The following AZIN2 variants were observed in gnomAD, a reference collection of about 807,000 sequenced individuals.
AZIN2 encodes the protein antizyme inhibitor 2.
A neutral mutation model predicts 47.8 loss-of-function variants in AZIN2; 28 were observed. That is an observed-to-expected ratio of 0.59 (90% CI 0.43 to 0.80). The LOEUF (loss-of-function observed/expected upper bound fraction) is 0.80, where lower values mean the gene tolerates loss of function less well. Ranked by LOEUF, AZIN2 falls within the 30% of genes least tolerant of loss-of-function variation. The pLI, the probability that AZIN2 is intolerant of heterozygous loss-of-function variation, is 0.00. For synonymous variants in AZIN2, 221 were observed against 239.4 expected (o/e 0.92, Z 0.71); for missense variants, 535 against 582.5 (o/e 0.92, Z 0.84).
chr1:33,158,583 C>T, the AZIN2 span, among the ~76,000 whole-genome samples: 4 of 152,242 alleles, frequency 2.6e-5, no homozygotes, highest in Admixed American at 2.6e-4. Context: ...ATGCTAGCAT[C>T]AGCCTTCTAG....
the AZIN2 span, chr1:33,145,471 A>G: frequency 6.1e-6 from 1 of 165,146 alleles, no homozygotes; most frequent in Admixed American, 5.8e-5. Context: ...TTAAATAAAA[A>G]TACTGCTGGG....
At chr1:33,162,754 A>T in the AZIN2 span, 1 of 152,760 alleles carries the variant, frequency 6.5e-6, no homozygotes, top group Non-Finnish European at 1.5e-5. Context: ...CCACCCCTGG[A>T]GCCCCAAGTA....
chr1:33,105,979 T>C (rs1212309343), intron 10 of AZIN2, among the ~76,000 whole-genome samples: 1 of 152,192 alleles, frequency 6.6e-6, no homozygotes, highest in Non-Finnish European at 1.5e-5. Flanking sequence ...CTTTCAAAAG[T>C]GTGAATCTGT....
intron 7 of AZIN2, 133 bp downstream of exon 7, chr1:33,093,549 T>A: frequency 8.2e-7 from 1 of 1,221,840 alleles, no homozygotes; most frequent in Non-Finnish European, 1.1e-6. Flanking sequence ...TTCTTCCATT[T>A]GAGAATTTCC....
At position 33,092,202 on chromosome 1, in the gene AZIN2, A is replaced by G; in HGVS notation, c.432A>G (p.Val144=). The change falls in exon 6 of 12, where the codon GTA becomes GTG. Residue 144 remains valine (V), a synonymous_variant. Coordinates refer to ENST00000294517, the MANE Select transcript of AZIN2 (RefSeq NM_052998.4). ...ATGAGATGGAGCTGGCAAAGGTGGT[A>G]AAGAGCCACCCCAGTGCCAAGTAAG... The part of the protein sequence containing the change: ...FDNEMELAKV[V]KSHPSAKMVL... 1 of 1,614,144 alleles carries G rather than the reference A, an allele frequency of 6.2e-7. No individual in the cohort carries two copies. The highest frequency in any genetic ancestry group is 2.2e-5 in the East Asian group (1 of 44,890).
intron 10 of AZIN2, among the ~76,000 whole-genome samples, chr1:33,105,734 A>G (rs901592713): frequency 1.3e-5 from 2 of 152,208 alleles, no homozygotes; most frequent in African/African-American, 4.8e-5. Context: ...CACAAAGCCA[A>G]ACCATATCAG....
chr1:33,109,444 G>A (rs527260980), intron 10 of AZIN2, among the ~76,000 whole-genome samples: 1 of 151,468 alleles, frequency 6.6e-6, no homozygotes, highest in South Asian at 2.1e-4. Context: ...TTCTCCTGCC[G>A]CAGCCTCTTG....
chr1:33,084,194 C>G (rs548752509), intron 5 of AZIN2, 67 bp downstream of exon 5: 1 of 1,581,176 alleles, frequency 6.3e-7, no homozygotes, highest in African/African-American at 1.3e-5. Context: ...CCAGGCTAGT[C>G]CAGGTGGGCT....
the AZIN2 span, chr1:33,147,772 TGTGGACCCACCATGCA>T: frequency 5.7e-6 from 9 of 1,577,236 alleles, no homozygotes; most frequent in African/African-American, 9.4e-5. The surrounding 1 kb of genome is among the most constrained non-coding windows in gnomAD (Gnocchi z 8.1). Context: ...GGGAGAAGGC[TGTGGACCCACCATGCA>T]GTGCCTTCCT....
chr1:33,116,916 T>C (rs1162427179), intron 10 of AZIN2, among the ~76,000 whole-genome samples: 2 of 152,110 alleles, frequency 1.3e-5, no homozygotes, highest in Non-Finnish European at 2.9e-5. Flanking sequence ...AGTGCAGTGA[T>C]GGGAGAAGAG....
the AZIN2 span, among the ~76,000 whole-genome samples, chr1:33,151,297 G>A: frequency 6.6e-6 from 1 of 152,078 alleles, no homozygotes; most frequent in African/African-American, 2.4e-5. Flanking sequence ...CCGGCCTAGG[G>A]GCAGGGCCTG....
In AZIN2 at chr1:33,102,689, G is replaced by A. The variant is rs577486475; in HGVS notation, c.1029+4510G>A. 2.0e-3 allele frequency among the ~76,000 whole-genome samples: 297 copies of A among 152,192 alleles called. 1 individual carries two copies. The highest frequency in any genetic ancestry group is 6.7e-3 in the African/African-American group (278 of 41,510). ...CTTCTCTGTCTATATGCGCTTCCTA[G>A]GTAAATGCTTCCAGACTGAGGCTCT... On this transcript the variant is annotated intron_variant, in intron 10 of 11. Transcript: ENST00000294517.
chr1:33,165,624 G>T, the AZIN2 span: 1 of 1,460,172 alleles, frequency 6.8e-7, no homozygotes. The surrounding 1 kb of genome is among the most constrained non-coding windows in gnomAD (Gnocchi z 4.0). Context: ...CAGGCATTCA[G>T]CCCTGACCAC....
the AZIN2 span, among the ~76,000 whole-genome samples, chr1:33,139,053 GGAA>G: frequency 6.6e-6 from 1 of 152,188 alleles, no homozygotes; most frequent in Non-Finnish European, 1.5e-5. Context: ...CTGGGACTGG[GGAA>G]GAAGGAGAAT....
chr1:33,096,710 G>T lies in AZIN2; in HGVS notation c.757G>T (p.Ala253Ser). 1 of 1,614,218 alleles carries T rather than the reference G, an allele frequency of 6.2e-7. No individual in the cohort carries two copies. Among genetic ancestry groups the T allele is most frequent in the Non-Finnish European group, 8.5e-7 (1 of 1,180,036 alleles). Residue 253 changes from alanine (A) to serine (S), a missense_variant, in exon 9 of 12, where the codon GCT (alanine) becomes TCT (serine). Transcript: ENST00000294517. ...EGAKVRFEEI[A>S]SVINSALDLY... is the part of the protein sequence containing the mutation. ...CTCCCCATTCTCCTCCTACCAGATT[G>T]CTTCCGTGATCAACTCAGCCTTGGA...
intron 5 of AZIN2, among the ~76,000 whole-genome samples, chr1:33,089,979 C>G (rs374680963): frequency 9.8e-5 from 15 of 152,300 alleles, no homozygotes; most frequent in East Asian, 5.8e-4. Flanking sequence ...CCCTTCTGAG[C>G]ATCAGTTTCC....
At chr1:33,095,014 G>A (rs1642989724) in intron 8 of AZIN2, among the ~76,000 whole-genome samples, 1 of 152,214 alleles carries the variant, frequency 6.6e-6, no homozygotes, top group African/African-American at 2.4e-5. Context: ...TTAAGGGGCG[G>A]GATAGGCCTC....
At chr1:33,092,272 T>G (rs1642636509) in intron 6 of AZIN2, 50 bp downstream of exon 6, 1 of 1,441,758 alleles carries the variant, frequency 6.9e-7, no homozygotes, top group Non-Finnish European at 9.3e-7. Flanking sequence ...GAGCCTGGGC[T>G]GTGGGGAGCC....
At chr1:33,165,300 G>A in the AZIN2 span, 17 of 558,436 alleles carry the variant, frequency 3.0e-5, no homozygotes, top group African/African-American at 2.7e-4. The surrounding 1 kb of genome is among the most constrained non-coding windows in gnomAD (Gnocchi z 4.0). Context: ...TGAACTTCAC[G>A]GATGCCCTAC....
Sources: allele counts gnomAD v4.1 joint callset (sites outside exome capture counted in the v4.1 genomes callset), GRCh38; gene constraint gnomAD v4.1.1; non-coding constraint Gnocchi (gnomAD v3.1); transcripts MANE v1.5; gene names NCBI Gene and HGNC (gene_info 2026-07-23, HGNC 2026-07-21).